SYNE2: variants seen among roughly 807,000 people sequenced by gnomAD.
SYNE2 encodes nesprin-2.
Under a neutral mutation model 856.3 loss-of-function variants are expected in SYNE2, and 431 were observed. The observed-to-expected ratio is 0.50, with a 90% CI of 0.47 to 0.55. The LOEUF is 0.55. Among genes scored for constraint, SYNE2 ranks in the 20% least tolerant of loss-of-function variants. SYNE2 has a pLI of 0.00. For missense variants in SYNE2, 8,129 were observed against 8,023.2 expected (o/e 1.01, Z -0.50); for synonymous variants, 2,923 against 2,872.3 (o/e 1.02, Z -0.56).
chr14:63,925,052 A>G (rs923580299), intron 2 of SYNE2, among the ~76,000 whole-genome samples: 1 of 152,086 alleles, frequency 6.6e-6, no homozygotes, highest in Non-Finnish European at 1.5e-5. Context: ...CCATGATCCC[A>G]GCACTTTGGG....
At chr14:63,836,416 T>A (rs1889861948) in intron 1 of SYNE2, among the ~76,000 whole-genome samples, 1 of 152,228 alleles carries the variant, frequency 6.6e-6, no homozygotes, top group Non-Finnish European at 1.5e-5. Flanking sequence ...AGACTGTTTC[T>A]TCATTTGTTC....
At chr14:63,927,870 C>T (rs1019170948) in intron 2 of SYNE2, among the ~76,000 whole-genome samples, 2 of 151,802 alleles carry the variant, frequency 1.3e-5, no homozygotes, top group South Asian at 2.1e-4. Flanking sequence ...CCAGCCTGGG[C>T]GACAGAGCGA....
intron 1 of SYNE2, among the ~76,000 whole-genome samples, chr14:63,866,824 T>C (rs773036097): frequency 2.0e-5 from 3 of 152,034 alleles, no homozygotes; most frequent in Non-Finnish European, 2.9e-5. Context: ...ATTTAAAAAT[T>C]AGCCAGGTGT....
At chr14:64,155,475 GTTTCT>G (rs2098278310) in intron 85 of SYNE2, among the ~76,000 whole-genome samples, 1 of 151,732 alleles carries the variant, frequency 6.6e-6, no homozygotes. Context: ...TAGTTATGCA[GTTTCT>G]TTTCAGAGTC....
At chr14:63,918,874 A>G (rs931931488) in intron 2 of SYNE2, among the ~76,000 whole-genome samples, 15 of 152,210 alleles carry the variant, frequency 9.9e-5, no homozygotes, top group African/African-American at 3.4e-4. Context: ...ATATCTTTCC[A>G]AAACATTGGA....
rs1329013461 is a variant in SYNE2 at position 64,190,110 on chromosome 14, T to G, written c.17911T>G (p.Leu5971Val). The change falls in exon 99 of 116, where the codon TTA (leucine) becomes GTA (valine). Residue 5971 changes from leucine (L) to valine (V), a missense_variant. Transcript: ENST00000555002. ...AATAAACTTGTTTAGTGAAAACAAG[T>G]TACAGTTAAAGCAGATGGGTGACCA... ...EEINLFSENK[L>V]QLKQMGDQLI... is the part of the protein sequence containing the mutation. The G allele has an allele frequency of 1.9e-6, 3 of 1,613,882 alleles. No individual in the cohort carries two copies. Among genetic ancestry groups the G allele is most frequent in the Non-Finnish European group, 1.7e-6 (2 of 1,180,020 alleles).
chr14:64,128,765 T>C (rs77356097), intron 74 of SYNE2, among the ~76,000 whole-genome samples: 1,707 of 152,340 alleles, frequency 0.011, 38 homozygotes, highest in African/African-American at 0.039. Flanking sequence ...TTTTCACTTA[T>C]CAACCATGAC....
intron 2 of SYNE2, among the ~76,000 whole-genome samples, chr14:63,927,912 C>G (rs967102970): frequency 2.6e-5 from 4 of 151,896 alleles, no homozygotes; most frequent in African/African-American, 9.7e-5. Context: ...ACATGCCTTT[C>G]GCCTTCTGCC....
At chr14:64,221,445 T>TC in intron 111 of SYNE2, 131 bp from the exon 112 acceptor site, 1 of 1,542,410 alleles carries the variant, frequency 6.5e-7, no homozygotes, top group South Asian at 1.1e-5. Flanking sequence ...TTAAAGCTGG[T>TC]CCTCGTATTC....
chr14:63,856,228 A>G (rs1891689038), intron 1 of SYNE2, among the ~76,000 whole-genome samples: 2 of 152,240 alleles, frequency 1.3e-5, no homozygotes, highest in African/African-American at 2.4e-5. Flanking sequence ...AGAAATTAAC[A>G]TGGAATCCTC....
chr14:64,071,923 G>A (rs943106810), intron 52 of SYNE2, among the ~76,000 whole-genome samples: 1 of 152,106 alleles, frequency 6.6e-6, no homozygotes, highest in Non-Finnish European at 1.5e-5. Context: ...GAGGCTGAGG[G>A]AAGAGAATCA....
In SYNE2 at chr14:63,840,053, G is replaced by A. The variant is rs559601207; in HGVS notation, c.-304-12448G>A. ...GGAGGCCTAGGTGGGTGGATCACCCGAGTTCAGGAGTTCAAGACCAGCCTG... is the reference window on the plus strand; with the variant it reads ...GGAGGCCTAGGTGGGTGGATCACCCAAGTTCAGGAGTTCAAGACCAGCCTG... On this transcript the variant is annotated intron_variant, in intron 1 of 23. Coordinates refer to the SYNE2 transcript ENST00000674003. 2.6e-5 allele frequency among the ~76,000 whole-genome samples: 4 copies of A among 152,266 alleles called. 1 individual carries two copies. Among genetic ancestry groups the A allele is most frequent in the African/African-American group, 9.6e-5 (4 of 41,556 alleles).
intron 1 of SYNE2, among the ~76,000 whole-genome samples, chr14:63,805,356 T>A (rs1219556829): frequency 1.3e-5 from 2 of 152,320 alleles, no homozygotes; most frequent in East Asian, 3.9e-4. Flanking sequence ...GAGCATGGAA[T>A]ATTTTTTTCA....
intron 83 of SYNE2, among the ~76,000 whole-genome samples, chr14:64,145,494 C>T (rs868502462): frequency 1.6e-4 from 21 of 127,284 alleles, no homozygotes; most frequent in Admixed American, 8.0e-4. Flanking sequence ...GGTGACAGAG[C>T]GAGACTCCGT....
intron 10 of SYNE2, among the ~76,000 whole-genome samples, chr14:63,965,956 A>G (rs1326936244): frequency 6.6e-6 from 1 of 152,226 alleles, no homozygotes; most frequent in Non-Finnish European, 1.5e-5. Flanking sequence ...GGTTTCCTAA[A>G]TAGGAAGAAG....
At position 64,207,313 on chromosome 14, in the gene SYNE2, C is replaced by T. The variant is rs1221120516; in HGVS notation, c.18202-1445C>T. Among the ~76,000 whole-genome samples, 4 of 152,036 alleles carry T rather than the reference C, an allele frequency of 2.6e-5. No individual in the cohort carries two copies. In the East Asian group the frequency reaches 5.8e-4, roughly 22 times the overall value. Reference sequence around the variant, plus strand: ...ATAGGGGCTGGGCGTGGTGGCTCACCCCTGTAATCCCAGCACTTTGGGAGG... The same window carrying T: ...ATAGGGGCTGGGCGTGGTGGCTCACTCCTGTAATCCCAGCACTTTGGGAGG... On this transcript the variant is annotated intron_variant, in intron 100 of 115. Transcript: ENST00000555002.
chr14:63,882,347 A>G (rs950328027), intron 1 of SYNE2, among the ~76,000 whole-genome samples: 11 of 152,168 alleles, frequency 7.2e-5, no homozygotes, highest in African/African-American at 2.7e-4. Flanking sequence ...AACATATTCC[A>G]TATGTTGTAT....
At chr14:63,912,255 G>A (rs1438928707) in intron 2 of SYNE2, among the ~76,000 whole-genome samples, 2 of 152,106 alleles carry the variant, frequency 1.3e-5, no homozygotes, top group Admixed American at 6.6e-5. Context: ...AGGAAAGAAG[G>A]AAAGGAGGGA....
At chr14:64,158,548 G>C in intron 85 of SYNE2, 77 bp from the exon 86 acceptor site, 1 of 1,507,738 alleles carries the variant, frequency 6.6e-7, no homozygotes, top group South Asian at 1.1e-5. Context: ...GCCTAAATTG[G>C]ACACAATGGT....
Sources: allele counts gnomAD v4.1 joint callset (sites outside exome capture counted in the v4.1 genomes callset), GRCh38; gene constraint gnomAD v4.1.1; transcripts MANE v1.5; gene names NCBI Gene and HGNC (gene_info 2026-07-23, HGNC 2026-07-21).